The following NELFB variants were observed in gnomAD, a reference collection of about 807,000 sequenced individuals.
NELFB encodes the protein negative elongation factor B.
A neutral mutation model predicts 60.2 loss-of-function variants in NELFB; 34 were observed. That is an observed-to-expected ratio of 0.56 (90% CI 0.43 to 0.75). The LOEUF is 0.75. Among genes scored for constraint, NELFB ranks in the 30% least tolerant of loss-of-function variants. The probability of loss-of-function intolerance (pLI) is 0.00; values close to 1 mark genes in which losing one functional copy is unlikely to be tolerated. For synonymous variants in NELFB, 459 were observed against 382.1 expected (o/e 1.20, Z -2.35); for missense variants, 770 against 831.6 (o/e 0.93, Z 0.91).
chr9:137,263,054 G>C lies in NELFB; in HGVS notation c.759G>C (p.Thr253=). 1 of 1,612,990 alleles carries C rather than the reference G, an allele frequency of 6.2e-7. No homozygotes were observed. Among genetic ancestry groups the C allele is most frequent in the Non-Finnish European group, 8.5e-7 (1 of 1,179,116 alleles). ...TGCTGCAGGTGGTGCAGCGGCTGAC[G>C]CGGATGGTGGGGAAGAACGTGAAGC... Residue 253 remains threonine (T), a synonymous_variant, in exon 5 of 13, where the codon ACG becomes ACC. Transcript: ENST00000343053.
At chr9:137,266,565 C>A (rs1302261203) in intron 8 of NELFB, 139 bp downstream of exon 8, 4 of 770,120 alleles carry the variant, frequency 5.2e-6, no homozygotes, top group Non-Finnish European at 8.4e-6. Flanking sequence ...TGCCCACCTT[C>A]CTTTTGGGAA....
In NELFB at chr9:137,266,332, A is replaced by C; in HGVS notation, c.1145A>C (p.Asp382Ala). The change falls in exon 8 of 13, where the codon GAC (aspartate) becomes GCC (alanine). Residue 382 changes from aspartate to alanine, a missense_variant and splice_region_variant. Physicochemically the swap from Asp to Ala is moderately radical, Grantham distance 126. Coordinates refer to ENST00000343053, the MANE Select transcript of NELFB (RefSeq NM_015456.5). ...GCGCTGAGCCCGTCCTCCCTACAGG[A>C]CAGCCCCGACCTCCTGCTGCTGCTC... 1 of 1,612,554 alleles carries C rather than the reference A, an allele frequency of 6.2e-7. No individual in the cohort carries two copies. The highest frequency in any genetic ancestry group is 8.5e-7 in the Non-Finnish European group (1 of 1,179,838).
chr9:137,267,044 C>T lies in NELFB; in HGVS notation c.1340C>T (p.Ala447Val). ...CAGAAACTTCCGGCTGAGGAGAAAG[C>T]CCCAGTCTCATATCCAAACACACTT... The change falls in exon 9 of 13, where the codon GCC (alanine) becomes GTC (valine). Residue 447 changes from alanine to valine, a missense_variant. Transcript: ENST00000343053. 1 of 1,614,094 alleles carries T rather than the reference C, an allele frequency of 6.2e-7. No homozygotes were observed. Among genetic ancestry groups the T allele is most frequent in the Non-Finnish European group, 8.5e-7 (1 of 1,180,028 alleles).
intron 10 of NELFB, among the ~76,000 whole-genome samples, chr9:137,271,341 C>T (rs907566970): frequency 6.6e-6 from 1 of 152,248 alleles, no homozygotes; most frequent in Non-Finnish European, 1.5e-5. Flanking sequence ...AGGCCCCATC[C>T]GGGATACTAG....
intron 4 of NELFB, among the ~76,000 whole-genome samples, chr9:137,262,442 C>T (rs1220381404): frequency 6.6e-6 from 1 of 152,202 alleles, no homozygotes; most frequent in Non-Finnish European, 1.5e-5. Flanking sequence ...TCTGGTCACA[C>T]CTCACTATGT....
At chr9:137,263,620 T>C (rs1007212338) in intron 5 of NELFB, among the ~76,000 whole-genome samples, 3 of 151,454 alleles carry the variant, frequency 2.0e-5, no homozygotes, top group African/African-American at 7.3e-5. Context: ...GGTCTTTCTG[T>C]CCTGTGTGCT....
Position 137,256,067 on chromosome 9 carries a change from A to G in NELFB, c.407A>G (p.Glu136Gly), listed in dbSNP as rs1830835306. Reference sequence around the variant, plus strand: ...ATCGCTTCGGAGGGGAAGGCTGAGGAAAGGTGGGTCAGCGGGAGGGGTGGG... The same window carrying G: ...ATCGCTTCGGAGGGGAAGGCTGAGGGAAGGTGGGTCAGCGGGAGGGGTGGG... The change falls in exon 2 of 13, where the codon GAA (glutamate) becomes GGA (glycine). Residue 136 changes from glutamate (E) to glycine (G), a missense_variant. Coordinates refer to ENST00000343053, the MANE Select transcript of NELFB (RefSeq NM_015456.5). 12 of 1,612,876 alleles carry G rather than the reference A, an allele frequency of 7.4e-6. No homozygotes were observed. The highest frequency in any genetic ancestry group is 1.0e-5 in the Non-Finnish European group (12 of 1,179,438).
rs538688028 is a variant in NELFB at position 137,272,948 on chromosome 9, G to C, written c.*20G>C. 6.7e-7 allele frequency: 1 copy of C among 1,490,984 alleles called. No homozygotes were observed. Among genetic ancestry groups the C allele is most frequent in the Non-Finnish European group, 9.0e-7 (1 of 1,116,042 alleles). The allele number at this position is 1,490,984 out of a possible 1,614,324, so 92.4% of individuals were successfully genotyped here. On this transcript the variant is annotated 3_prime_UTR_variant, in exon 13 of 13. Transcript: ENST00000343053. ...CTCTGAGGGCCCTCCAGACCTGCTCGGGTGCTGGGGCCATGCCGAGTCGCG... is the reference window on the plus strand; with the variant it reads ...CTCTGAGGGCCCTCCAGACCTGCTCCGGTGCTGGGGCCATGCCGAGTCGCG...
Position 137,266,927 on chromosome 9 carries a change from G to A in NELFB, c.1240-17G>A, listed in dbSNP as rs1056476646. ...GGGCCCGGGCCCGCGCCCGCTCATG[G>A]CCTCCCCTCCTCGTAGGAGGTAGAG... On this transcript the variant is annotated splice_polypyrimidine_tract_variant and intron_variant, in intron 8 of 12. Coordinates refer to ENST00000343053, the MANE Select transcript of NELFB (RefSeq NM_015456.5). The A allele has an allele frequency of 4.3e-6, 7 of 1,611,996 alleles. No homozygotes were observed. Among genetic ancestry groups the A allele is most frequent in the Admixed American group, 1.7e-5 (1 of 59,978 alleles).
chr9:137,258,522 C>T (rs1041490038), intron 4 of NELFB, among the ~76,000 whole-genome samples: 8 of 150,822 alleles, frequency 5.3e-5, no homozygotes, highest in African/African-American at 2.0e-4. Flanking sequence ...AATCTCGGCT[C>T]ACTGTAACCT....
chr9:137,270,360 G>A (rs1830569439), intron 10 of NELFB, among the ~76,000 whole-genome samples: 1 of 151,764 alleles, frequency 6.6e-6, no homozygotes, highest in South Asian at 2.1e-4. Flanking sequence ...GGAGGCCAAG[G>A]CGGGTGGATC....
chr9:137,266,566 C>T, intron 8 of NELFB, 140 bp downstream of exon 8: 1 of 770,230 alleles, frequency 1.3e-6, no homozygotes, highest in Non-Finnish European at 2.1e-6. Context: ...GCCCACCTTC[C>T]TTTTGGGAAA....
rs143781103 is a variant in NELFB, at chr9:137,256,062, T to G, written c.402T>G (p.Ala134=). 4 of 1,612,850 alleles carry G rather than the reference T, an allele frequency of 2.5e-6. No homozygotes were observed. Among genetic ancestry groups the G allele is most frequent in the Non-Finnish European group, 2.5e-6 (3 of 1,179,516 alleles). Residue 134 remains alanine (A), a synonymous_variant, in exon 2 of 13, where the codon GCT becomes GCG. Transcript: ENST00000343053. ...CAGCCATCGCTTCGGAGGGGAAGGC[T>G]GAGGAAAGGTGGGTCAGCGGGAGGG... is the stretch of plus-strand genomic sequence containing the variant.
At chr9:137,259,668 T>C in intron 4 of NELFB, among the ~76,000 whole-genome samples, 1 of 150,874 alleles carries the variant, frequency 6.6e-6, no homozygotes, top group Non-Finnish European at 1.5e-5. Flanking sequence ...TTTTATATAT[T>C]TTTATCTTGT....
At position 137,266,945 on chromosome 9, in the gene NELFB, A is replaced by T; in HGVS notation, c.1241A>T (p.Glu414Val). Reference sequence around the variant, plus strand: ...GCTCATGGCCTCCCCTCCTCGTAGGAGGTAGAGCTCATCACCAGGTTCCTC... The same window carrying T: ...GCTCATGGCCTCCCCTCCTCGTAGGTGGTAGAGCTCATCACCAGGTTCCTC... Residue 414 changes from glutamate to valine, a missense_variant and splice_region_variant, in exon 9 of 13, where the codon GAG (glutamate) becomes GTG (valine). Transcript: ENST00000343053. 1.2e-6 allele frequency: 2 copies of T among 1,613,152 alleles called. No individual in the cohort carries two copies. The highest frequency in any genetic ancestry group is 1.7e-6 in the Non-Finnish European group (2 of 1,179,884).
intron 4 of NELFB, among the ~76,000 whole-genome samples, chr9:137,260,912 A>G (rs1170058905): frequency 6.6e-6 from 1 of 150,698 alleles, no homozygotes; most frequent in Non-Finnish European, 1.5e-5. Context: ...TACAAAAATT[A>G]ACCAGACCTG....
Position 137,256,896 on chromosome 9 carries a change from C to G in NELFB, c.583C>G (p.Arg195Gly). 1 of 1,614,206 alleles carries G rather than the reference C, an allele frequency of 6.2e-7. No individual in the cohort carries two copies. Among genetic ancestry groups the G allele is most frequent in the Non-Finnish European group, 8.5e-7 (1 of 1,180,036 alleles). The change falls in exon 4 of 13, where the codon CGG becomes GGG. Residue 195 changes from arginine to glycine, a missense_variant. Arg to Gly is a moderately radical substitution (Grantham distance 125). Transcript: ENST00000343053. ...TCGAGCCTGCGCCGTGGAGGTGAAG[C>G]GGCAGATCTGGCAAGACAACCAGGC... is the stretch of plus-strand genomic sequence containing the variant.
chr9:137,260,039 T>C (rs1325902564), intron 4 of NELFB, among the ~76,000 whole-genome samples: 1 of 148,020 alleles, frequency 6.8e-6, no homozygotes, highest in Non-Finnish European at 1.5e-5. Flanking sequence ...CTATTTTTAT[T>C]TTTATTTATT....
Position 137,272,871 on chromosome 9 carries a change from G to C in NELFB, c.1830G>C (p.Ala610=). 6.5e-7 allele frequency: 1 copy of C among 1,548,624 alleles called. No individual in the cohort carries two copies. Among genetic ancestry groups the C allele is most frequent in the Non-Finnish European group, 8.7e-7 (1 of 1,146,030 alleles). Residue 610 remains alanine, a synonymous_variant, in exon 13 of 13, where the codon GCG becomes GCC. Transcript: ENST00000343053. Reference sequence around the variant, plus strand: ...GGAAGCCCAGCCCGGCACAGGCTGCGGAGACGCCGGCCCTGGAGCTGCCCC... The same window carrying C: ...GGAAGCCCAGCCCGGCACAGGCTGCCGAGACGCCGGCCCTGGAGCTGCCCC...
Sources: gnomAD v4.1 joint callset for allele counts (sites outside exome capture counted in the v4.1 genomes callset) on GRCh38, gnomAD v4.1.1 for gene constraint, MANE v1.5 for transcripts, NCBI Gene and HGNC (gene_info 2026-07-23, HGNC 2026-07-21) for gene names.